Variants in SIPA1L1 observed in about 807,000 individuals in gnomAD.
SIPA1L1 encodes the protein signal-induced proliferation-associated 1-like protein 1.
SIPA1L1 carries 26 observed loss-of-function variants against 162.7 expected under a neutral mutation model. That is an observed-to-expected ratio of 0.16 (90% CI 0.12 to 0.22). SIPA1L1 has a LOEUF of 0.22. Ranked by LOEUF, SIPA1L1 falls within the 10% of genes least tolerant of loss-of-function variation. The probability of loss-of-function intolerance (pLI) is 1.00; values close to 1 mark genes in which losing one functional copy is unlikely to be tolerated. For missense variants in SIPA1L1, 1,874 were observed against 2,241.0 expected, an observed-to-expected ratio of 0.84 and a Z score of 3.31; for synonymous variants, 829 against 837.4, an observed-to-expected ratio of 0.99 and a Z score of 0.17.
chr14:71,614,218 C>CA (rs113098752), intron 5 of SIPA1L1, among the ~76,000 whole-genome samples: 3,030 of 87,024 alleles, frequency 0.035, 73 homozygotes, highest in African/African-American at 0.088. Flanking sequence ...ACGCTGTCTC[C>CA]AAAAAAAAAA....
intron 2 of SIPA1L1, among the ~76,000 whole-genome samples, chr14:71,381,283 A>G (rs2039878358): frequency 6.6e-6 from 1 of 151,982 alleles, no homozygotes; most frequent in African/African-American, 2.4e-5. Flanking sequence ...CAATCTCCTG[A>G]CCTCGTGATC....
At chr14:71,461,092 T>G (rs939946297) in intron 2 of SIPA1L1, among the ~76,000 whole-genome samples, 2 of 152,208 alleles carry the variant, frequency 1.3e-5, no homozygotes, top group African/African-American at 4.8e-5. Context: ...GATAGTAGTC[T>G]TGGCAGAAGC....
At chr14:71,608,595 T>G (rs977050417) in intron 5 of SIPA1L1, among the ~76,000 whole-genome samples, 15 of 152,040 alleles carry the variant, frequency 9.9e-5, no homozygotes, top group East Asian at 1.9e-4. Flanking sequence ...TTTTTTATAC[T>G]TAAAAAAAAG....
chr14:71,477,761 GAC>G (rs1220170266), intron 2 of SIPA1L1, among the ~76,000 whole-genome samples: 1 of 151,772 alleles, frequency 6.6e-6, no homozygotes, highest in African/African-American at 2.4e-5. Flanking sequence ...CCCATTGAAG[GAC>G]ATTTGGTTTG....
At chr14:71,436,112 G>A (rs1012049539) in intron 2 of SIPA1L1, among the ~76,000 whole-genome samples, 3 of 152,008 alleles carry the variant, frequency 2.0e-5, no homozygotes, top group Admixed American at 1.3e-4. Context: ...ACTATCGTGT[G>A]CTTAAGAACA....
chr14:71,678,057 T>C (rs553498896), intron 12 of SIPA1L1, among the ~76,000 whole-genome samples: 4 of 152,304 alleles, frequency 2.6e-5, no homozygotes, highest in Admixed American at 2.0e-4. Flanking sequence ...CGATGGGGTT[T>C]TCTAAATATA....
chr14:71,638,100 G>A (rs145067590), intron 7 of SIPA1L1, among the ~76,000 whole-genome samples: 7 of 152,250 alleles, frequency 4.6e-5, no homozygotes, highest in Admixed American at 1.3e-4. Context: ...TACTGGGCCA[G>A]ATGGTTTTCC....
chr14:71,466,403 T>C (rs1444977788), intron 2 of SIPA1L1, among the ~76,000 whole-genome samples: 2 of 152,130 alleles, frequency 1.3e-5, no homozygotes, highest in Non-Finnish European at 2.9e-5. Context: ...ACACTGCAAA[T>C]TGTGCTTGTG....
chr14:71,570,307 CTG>C (rs1467082039), intron 4 of SIPA1L1, among the ~76,000 whole-genome samples: 1 of 152,026 alleles, frequency 6.6e-6, no homozygotes, highest in Non-Finnish European at 1.5e-5. Flanking sequence ...AGGTCTCACT[CTG>C]TCACACAAGT....
rs1221958794 is a variant in SIPA1L1 at position 71,730,181 on chromosome 14, G to A, written c.4741G>A (p.Ala1581Thr). The A allele has an allele frequency of 6.2e-7, 1 of 1,614,116 alleles. No homozygotes were observed. Among genetic ancestry groups the A allele is most frequent in the South Asian group, 1.1e-5 (1 of 91,076 alleles). Residue 1581 changes from alanine to threonine, a missense_variant, in exon 20 of 24, where the codon GCG becomes ACG. This residue lies in a region of SIPA1L1 where 936 missense variants were observed against 1,051.9 expected (regional missense o/e 0.89). Coordinates refer to ENST00000381232, the MANE Select transcript of SIPA1L1 (RefSeq NM_001386936.1). ...SQREHFFTSR[A>T]SLLDQALPND... ...GAGGGAGCACTTTTTCACCTCCAGG[G>A]CGTCACTTCTGGACCAAGCCCTGCC...
chr14:71,520,628 G>A (rs2052236617), intron 3 of SIPA1L1, among the ~76,000 whole-genome samples: 1 of 152,126 alleles, frequency 6.6e-6, no homozygotes, highest in Non-Finnish European at 1.5e-5. Flanking sequence ...GTATACTTTT[G>A]TATATGGCTT....
At chr14:71,374,794 A>G (rs1459209152) in intron 2 of SIPA1L1, among the ~76,000 whole-genome samples, 2 of 150,998 alleles carry the variant, frequency 1.3e-5, no homozygotes, top group Non-Finnish European at 2.9e-5. Context: ...TGCAAACATT[A>G]TATTTTGACT....
chr14:71,676,165 A>G (rs1309759959), intron 12 of SIPA1L1, among the ~76,000 whole-genome samples: 1 of 151,098 alleles, frequency 6.6e-6, no homozygotes, highest in Non-Finnish European at 1.5e-5. Context: ...GTGCTGGCAC[A>G]TGCCTGTAGT....
At chr14:71,505,282 C>A (rs1451398876) in intron 2 of SIPA1L1, among the ~76,000 whole-genome samples, 1 of 152,068 alleles carries the variant, frequency 6.6e-6, no homozygotes, top group East Asian at 1.9e-4. Context: ...TGTGTCTCTA[C>A]CATTTTGCTG....
At chr14:71,721,876 G>A (rs1033587961) in intron 17 of SIPA1L1, among the ~76,000 whole-genome samples, 1 of 152,178 alleles carries the variant, frequency 6.6e-6, no homozygotes, top group African/African-American at 2.4e-5. Flanking sequence ...CCACTCATAT[G>A]TATTCAGGGC....
At chr14:71,636,763 C>T (rs1462090379) in intron 7 of SIPA1L1, among the ~76,000 whole-genome samples, 2 of 152,078 alleles carry the variant, frequency 1.3e-5, no homozygotes, top group Non-Finnish European at 2.9e-5. Flanking sequence ...TAGATCTGGC[C>T]AGGCGAGGTG....
intron 2 of SIPA1L1, among the ~76,000 whole-genome samples, chr14:71,363,939 C>G (rs1225025320): frequency 1.3e-5 from 2 of 152,112 alleles, no homozygotes; most frequent in East Asian, 3.9e-4. Flanking sequence ...TCCTGTTTCC[C>G]TTGCTAGAAC....
At chr14:71,463,394 A>G (rs184934049) in intron 2 of SIPA1L1, among the ~76,000 whole-genome samples, 104 of 151,804 alleles carry the variant, frequency 6.9e-4, no homozygotes, top group Admixed American at 2.2e-3. Context: ...CTGAGCTAAA[A>G]CTCCATTAAT....
chr14:71,564,098 C>T (rs567445283), intron 4 of SIPA1L1, among the ~76,000 whole-genome samples: 2 of 152,158 alleles, frequency 1.3e-5, no homozygotes, highest in East Asian at 1.9e-4. Flanking sequence ...AGGCGTGTAC[C>T]AGCATGCCTG....
Sources: allele counts gnomAD v4.1 joint callset (sites outside exome capture counted in the v4.1 genomes callset), GRCh38; gene constraint gnomAD v4.1.1; regional missense constraint gnomAD v4.1.1; transcripts MANE v1.5; gene names NCBI Gene and HGNC (gene_info 2026-07-23, HGNC 2026-07-21).